The following ATPAF1 variants were observed in gnomAD, a reference collection of about 807,000 sequenced individuals.
ATPAF1 encodes the protein homolog of yeast ATP11.
A neutral mutation model predicts 43.9 loss-of-function variants in ATPAF1; 26 were observed. That is an observed-to-expected ratio of 0.59 (90% CI 0.43 to 0.82). The LOEUF (loss-of-function observed/expected upper bound fraction) is 0.82. ATPAF1 is among the 40% of genes least tolerant of loss of function. The pLI, the probability that ATPAF1 is intolerant of heterozygous loss-of-function variation, is 0.00. For missense variants in ATPAF1, 366 were observed against 435.0 expected (o/e 0.84, Z 1.41); for synonymous variants, 157 against 168.0 (o/e 0.93, Z 0.50).
At chr1:46,632,971 C>A (rs1042083028), downstream of ATPAF1, 4 of 152,566 alleles carry the variant, frequency 2.6e-5, no homozygotes, top group African/African-American at 9.7e-5. Context: ...TAGTTAGCAT[C>A]CACAGGAAAG....
chr1:46,639,235 T>C (rs28654649), intron 8 of ATPAF1, among the ~76,000 whole-genome samples: 9 of 151,102 alleles, frequency 6.0e-5, no homozygotes, highest in South Asian at 4.2e-4. Flanking sequence ...TATACACACA[T>C]ACACACACAC....
chr1:46,658,329 C>G, intron 3 of ATPAF1, 140 bp from the exon 4 acceptor site: 1 of 735,098 alleles, frequency 1.4e-6, no homozygotes, highest in South Asian at 1.9e-5. Flanking sequence ...TAAGAAAACC[C>G]ACATGCTCAG....
intron 2 of ATPAF1, chr1:46,664,955 C>T (rs1676462360): frequency 6.4e-6 from 2 of 310,958 alleles, no homozygotes; most frequent in Admixed American, 9.0e-5. Flanking sequence ...GGTTCCATCT[C>T]CCATGGGAAA....
intron 1 of ATPAF1, chr1:46,666,035 G>T (rs1196071078): frequency 2.3e-5 from 6 of 262,446 alleles, no homozygotes; most frequent in Non-Finnish European, 4.0e-5. Context: ...TGTACACTTT[G>T]GTGAAGATAT....
exon 7 of ATPAF1, chr1:46,645,220 A>C (rs781069348): frequency 6.2e-7 from 1 of 1,613,806 alleles, no homozygotes; most frequent in East Asian, 2.2e-5. Flanking sequence ...CCTACAAAAA[A>C]CTCATAACCT....
chr1:46,636,606 TC>T (rs1675844972), intron 8 of ATPAF1, among the ~76,000 whole-genome samples: 1 of 152,088 alleles, frequency 6.6e-6, no homozygotes, highest in African/African-American at 2.4e-5. Context: ...CTCAGTGACT[TC>T]CTTCTAACAA....
chr1:46,655,878 A>G (rs566107193), intron 4 of ATPAF1, among the ~76,000 whole-genome samples: 90 of 152,266 alleles, frequency 5.9e-4, no homozygotes, highest in Non-Finnish European at 1.1e-3. Flanking sequence ...CATATTTTAT[A>G]TCTCTCTTAA....
chr1:46,655,880 C>A (rs947577911), intron 4 of ATPAF1, among the ~76,000 whole-genome samples: 1 of 152,256 alleles, frequency 6.6e-6, no homozygotes, highest in South Asian at 2.1e-4. Context: ...TATTTTATAT[C>A]TCTCTTAAGA....
intron 1 of ATPAF1, among the ~76,000 whole-genome samples, chr1:46,666,527 GGA>G (rs1357715987): frequency 6.6e-6 from 1 of 152,230 alleles, no homozygotes; most frequent in African/African-American, 2.4e-5. Flanking sequence ...CTATCCAGTG[GGA>G]GAGACAGGCA....
At chr1:46,644,348 G>A (rs1467699235) in intron 7 of ATPAF1, among the ~76,000 whole-genome samples, 3 of 152,052 alleles carry the variant, frequency 2.0e-5, no homozygotes, top group African/African-American at 2.4e-5. Flanking sequence ...TATGTAATTA[G>A]AAATAATAAC....
At chr1:46,636,261 A>G in intron 8 of ATPAF1, 1 of 469,024 alleles carries the variant, frequency 2.1e-6, no homozygotes, top group Admixed American at 3.4e-5. Context: ...TTTGTTTTAT[A>G]TCTCTGCAGA....
Position 46,668,078 on chromosome 1 carries a change from T to C in ATPAF1, c.245A>G (p.Asp82Gly). 6.9e-7 allele frequency: 1 copy of C among 1,446,168 alleles called. No individual in the cohort carries two copies. The highest frequency in any genetic ancestry group is 2.4e-4 in the Middle Eastern group (1 of 4,082). 89.6% of individuals were successfully genotyped at this position (1,446,168 alleles called of 1,614,324 possible). The change falls in exon 1 of 9, where the codon GAC (aspartate) becomes GGC (glycine). Residue 82 changes from aspartate to glycine, a missense_variant. Transcript: ENST00000574428. The surrounding 1 kb of genome is among the most constrained non-coding windows in gnomAD (Gnocchi z 4.4). Reference sequence around the variant, plus strand: ...GCACCTGCGCAGCAGCTGGATCTTGTCGCGGTAGCGGTCGTAGAAAGGGTT... The same window carrying C: ...GCACCTGCGCAGCAGCTGGATCTTGCCGCGGTAGCGGTCGTAGAAAGGGTT...
At position 46,658,667 on chromosome 1, in the gene ATPAF1, A is replaced by G. The variant is rs373062151; in HGVS notation, c.426+20T>C. ...CATATGACTTCAAGCTTTTTTTCCT[A>G]TATTTAATTAGAAACCTACCTTGTC... On this transcript the variant is annotated intron_variant, in intron 3 of 8. Transcript: ENST00000574428. 4.6e-5 allele frequency: 72 copies of G among 1,571,254 alleles called. No homozygotes were observed. The highest frequency in any genetic ancestry group is 5.8e-5 in the Non-Finnish European group (67 of 1,159,410).
rs554802810 is a variant in ATPAF1, at chr1:46,653,005, A to G, written c.541-377T>C. 1.1e-4 allele frequency among the ~76,000 whole-genome samples: 17 copies of G among 152,224 alleles called. 2 individuals are homozygous for G. In the South Asian group the frequency reaches 3.5e-3, roughly 32 times the overall value. ...CTTCTTCTGGCTGTTGAATTCATGT[A>G]GGATAAGGGTATATATATATGAGAG... is the stretch of plus-strand genomic sequence containing the variant. On this transcript the variant is annotated intron_variant, in intron 5 of 8. Coordinates refer to ENST00000574428, the Ensembl canonical transcript of ATPAF1. This position sits in a 1 kb window ranked among gnomAD's most constrained non-coding sequence, Gnocchi z 4.8.
At chr1:46,654,560 T>TATTATA (rs56319728) in intron 4 of ATPAF1, among the ~76,000 whole-genome samples, 331 of 145,872 alleles carry the variant, frequency 2.3e-3, no homozygotes, top group Non-Finnish European at 3.8e-3. Context: ...TTATTATTAT[T>TATTATA]GTACTTTAAG....
chr1:46,667,017 T>G (rs1201777768), intron 1 of ATPAF1, among the ~76,000 whole-genome samples: 2 of 152,216 alleles, frequency 1.3e-5, no homozygotes, highest in Admixed American at 1.3e-4. Context: ...GAAAGGCTTT[T>G]AAGATGACAA....
upstream of ATPAF1, chr1:46,668,545 G>T: frequency 2.2e-6 from 1 of 445,760 alleles, no homozygotes; most frequent in Non-Finnish European, 3.2e-6. The surrounding 1 kb of genome is among the most constrained non-coding windows in gnomAD (Gnocchi z 4.4). Flanking sequence ...GTATGCCACG[G>T]CCCGCCTCCT....
chr1:46,634,299 G>A (rs983560349), downstream of ATPAF1: 1 of 173,894 alleles, frequency 5.8e-6, no homozygotes, highest in Non-Finnish European at 1.2e-5. Flanking sequence ...GAGCAGCAGA[G>A]TGGAGCATGT....
At chr1:46,656,752 T>C (rs1455300514) in intron 4 of ATPAF1, among the ~76,000 whole-genome samples, 1 of 152,174 alleles carries the variant, frequency 6.6e-6, no homozygotes, top group East Asian at 1.9e-4. Context: ...CTAAATGACA[T>C]GTTTTGTGTC....
Sources: gnomAD v4.1 joint callset for allele counts (sites outside exome capture counted in the v4.1 genomes callset) on GRCh38, gnomAD v4.1.1 for gene constraint, Gnocchi (gnomAD v3.1) non-coding constraint, MANE v1.5 for transcripts, NCBI Gene and HGNC (gene_info 2026-07-23, HGNC 2026-07-21) for gene names.